The following MSRA variants were observed in gnomAD, a reference collection of about 807,000 sequenced individuals.
MSRA encodes methionine sulfoxide reductase A, also known as mitochondrial peptide methionine sulfoxide reductase.
In MSRA, 54 loss-of-function variants were observed where a neutral mutation model predicts 31.3. That is an observed-to-expected ratio of 1.73 (90% CI 1.39 to 2.17). MSRA has a LOEUF of 2.17. MSRA is among the 30% of genes most tolerant of loss of function. The pLI is 0.00. For synonymous variants in MSRA, 169 were observed against 116.5 expected, an observed-to-expected ratio of 1.45 and a Z score of -2.90; for missense variants, 507 against 300.9, an observed-to-expected ratio of 1.69 and a Z score of -5.07.
At chr8:10,192,078 G>A (rs1287206494) in intron 1 of MSRA, among the ~76,000 whole-genome samples, 1 of 152,130 alleles carries the variant, frequency 6.6e-6, no homozygotes, top group Admixed American at 6.5e-5. Context: ...TCATAGGGCT[G>A]CCTTACGATA....
intron 5 of MSRA, among the ~76,000 whole-genome samples, chr8:10,359,194 A>C (rs530729086): frequency 6.6e-6 from 1 of 152,168 alleles, no homozygotes; most frequent in East Asian, 1.9e-4. Context: ...GCTTTTCTTT[A>C]TCAGGAGCAG....
At chr8:10,336,104 C>T (rs1290186143) in intron 5 of MSRA, among the ~76,000 whole-genome samples, 1 of 152,104 alleles carries the variant, frequency 6.6e-6, no homozygotes, top group African/African-American at 2.4e-5. Flanking sequence ...CCGTATCTTG[C>T]CAATATCACA....
chr8:10,210,854 C>T (rs183560360), intron 2 of MSRA, among the ~76,000 whole-genome samples: 227 of 152,048 alleles, frequency 1.5e-3, no homozygotes, highest in African/African-American at 5.3e-3. Context: ...CTGCCTCAGC[C>T]TCCCAAGTAG....
chr8:10,331,711 T>A (rs1802712673), intron 5 of MSRA, among the ~76,000 whole-genome samples: 1 of 152,198 alleles, frequency 6.6e-6, no homozygotes, highest in African/African-American at 2.4e-5. Flanking sequence ...GATACCAAAA[T>A]CTGATGATGC....
intron 2 of MSRA, among the ~76,000 whole-genome samples, chr8:10,211,031 C>G (rs935652291): frequency 6.6e-6 from 1 of 152,100 alleles, no homozygotes; most frequent in African/African-American, 2.4e-5. Context: ...TCATCGCACC[C>G]GGCCACAATG....
intron 1 of MSRA, among the ~76,000 whole-genome samples, chr8:10,113,835 A>G (rs1209379232): frequency 1.3e-5 from 2 of 152,008 alleles, no homozygotes; most frequent in Non-Finnish European, 2.9e-5. Context: ...AGAGTTCTCC[A>G]TTTTATAATT....
At position 10,196,512 on chromosome 8, in the gene MSRA, C is replaced by T. The variant is rs1203099033; in HGVS notation, c.143-11321C>T. Among the ~76,000 whole-genome samples, 7 of 152,202 alleles carry T rather than the reference C, an allele frequency of 4.6e-5. No individual in the cohort carries two copies. The South Asian group carries it at 8.3e-4, about 18-fold the overall frequency. On this transcript the variant is annotated intron_variant, in intron 1 of 5. Coordinates refer to ENST00000317173, the MANE Select transcript of MSRA (RefSeq NM_012331.5). Reference sequence around the variant, plus strand: ...TGGGTCAGGAAGCGAGGCCCCTACACGTCTTTGAAGGACAGTACCTTTTCT... The same window carrying T: ...TGGGTCAGGAAGCGAGGCCCCTACATGTCTTTGAAGGACAGTACCTTTTCT...
At chr8:10,157,812 C>A (rs1218177823) in intron 1 of MSRA, among the ~76,000 whole-genome samples, 2 of 152,016 alleles carry the variant, frequency 1.3e-5, no homozygotes, top group Non-Finnish European at 2.9e-5. Flanking sequence ...CTCCCTGTCT[C>A]TCTCTTCCCT....
At chr8:10,148,577 G>A (rs556560176) in intron 1 of MSRA, among the ~76,000 whole-genome samples, 2 of 151,908 alleles carry the variant, frequency 1.3e-5, no homozygotes, top group African/African-American at 4.8e-5. Flanking sequence ...AACCTGGGAG[G>A]CAGAGGTTGC....
intron 3 of MSRA, among the ~76,000 whole-genome samples, chr8:10,251,277 A>T (rs915698215): frequency 6.6e-6 from 1 of 152,024 alleles, no homozygotes; most frequent in Non-Finnish European, 1.5e-5. Context: ...TGTATCTTAC[A>T]TGAGATGAAT....
chr8:10,135,358 A>G (rs1400113895), intron 1 of MSRA, among the ~76,000 whole-genome samples: 2 of 152,210 alleles, frequency 1.3e-5, no homozygotes, highest in African/African-American at 2.4e-5. Context: ...TTTACTTGGC[A>G]TGAGAGAGTT....
chr8:10,123,138 C>T (rs1367730340), intron 1 of MSRA, among the ~76,000 whole-genome samples: 1 of 152,224 alleles, frequency 6.6e-6, no homozygotes, highest in Non-Finnish European at 1.5e-5. Context: ...AACTAATTCC[C>T]ACCAACAGTG....
chr8:10,203,037 G>C (rs1808638123), intron 1 of MSRA, among the ~76,000 whole-genome samples: 1 of 151,980 alleles, frequency 6.6e-6, no homozygotes, highest in Non-Finnish European at 1.5e-5. Context: ...ACTGATGTAA[G>C]ACTCAGCTGT....
At chr8:10,096,900 A>G (rs1799193333) in intron 1 of MSRA, among the ~76,000 whole-genome samples, 1 of 152,178 alleles carries the variant, frequency 6.6e-6, no homozygotes, top group Non-Finnish European at 1.5e-5. Context: ...TCCTATAATC[A>G]TGTATTTTCT....
intron 1 of MSRA, among the ~76,000 whole-genome samples, chr8:10,157,464 A>T (rs530350864): frequency 2.9e-4 from 44 of 152,210 alleles, no homozygotes; most frequent in South Asian, 1.0e-3. Flanking sequence ...TTTTAAAAAG[A>T]TTACTGTGGC....
intron 4 of MSRA, among the ~76,000 whole-genome samples, chr8:10,302,025 T>G (rs1273653186): frequency 6.6e-6 from 1 of 152,262 alleles, no homozygotes; most frequent in African/African-American, 2.4e-5. Context: ...TCTCTGAGTT[T>G]AGCCTTTCTC....
At chr8:10,110,431 C>T (rs1284349898) in intron 1 of MSRA, among the ~76,000 whole-genome samples, 2 of 152,216 alleles carry the variant, frequency 1.3e-5, no homozygotes, top group African/African-American at 2.4e-5. Flanking sequence ...GGAGACTCCA[C>T]TGAGTCAGCC....
At chr8:10,217,601 A>G (rs79687244) in intron 2 of MSRA, among the ~76,000 whole-genome samples, 4,789 of 152,308 alleles carry the variant, frequency 0.031, 152 homozygotes, top group South Asian at 0.15. Flanking sequence ...CTCAGCTTCC[A>G]CAGGTCTCAG....
At chr8:10,158,495 T>G (rs988353332) in intron 1 of MSRA, among the ~76,000 whole-genome samples, 1 of 152,252 alleles carries the variant, frequency 6.6e-6, no homozygotes, top group Non-Finnish European at 1.5e-5. Flanking sequence ...TTGGCTTCTT[T>G]CACTAGCATA....
Sources: allele counts gnomAD v4.1 joint callset (sites outside exome capture counted in the v4.1 genomes callset), GRCh38; gene constraint gnomAD v4.1.1; transcripts MANE v1.5; gene names NCBI Gene and HGNC (gene_info 2026-07-23, HGNC 2026-07-21).